The following ACTN2 variants were observed in gnomAD, a reference collection of about 807,000 sequenced individuals.
The protein encoded by ACTN2 is actinin alpha 2, also known as alpha-actinin-2.
A neutral mutation model predicts 113.8 loss-of-function variants in ACTN2; 39 were observed. That is an observed-to-expected ratio of 0.34 (90% CI 0.27 to 0.45). ACTN2 has a LOEUF of 0.45. ACTN2 is among the 20% of genes least tolerant of loss of function. The pLI is 1.00. For synonymous variants in ACTN2, 429 were observed against 444.1 expected (o/e 0.97, Z 0.43); for missense variants, 992 against 1,177.9 (o/e 0.84, Z 2.31).
intron 9 of ACTN2, among the ~76,000 whole-genome samples, chr1:236,737,954 G>T (rs2102920664): frequency 6.6e-6 from 1 of 152,338 alleles, no homozygotes; most frequent in South Asian, 2.1e-4. Context: ...CTCAAGTACA[G>T]TGACACATAC....
chr1:236,690,316 G>A (rs1011250022), intron 1 of ACTN2, among the ~76,000 whole-genome samples: 4 of 152,186 alleles, frequency 2.6e-5, no homozygotes, highest in South Asian at 2.1e-4. Flanking sequence ...AGAGCACAAG[G>A]TGAAGGCTCT....
intron 18 of ACTN2, 32 bp from the exon 19 acceptor site, chr1:236,759,692 T>TCAG (rs1172912621): frequency 6.2e-7 from 1 of 1,603,312 alleles, no homozygotes; most frequent in Non-Finnish European, 8.5e-7. Flanking sequence ...TGCCCTGTGC[T>TCAG]CACCTGCTCT....
At chr1:236,732,583 C>T (rs1347550085) in intron 7 of ACTN2, among the ~76,000 whole-genome samples, 1 of 152,016 alleles carries the variant, frequency 6.6e-6, no homozygotes, top group Admixed American at 6.6e-5. Context: ...GCTGGGATTA[C>T]AGGCATGCAC....
chr1:236,731,273 C>T lies in ACTN2; in HGVS notation c.656C>T (p.Ala219Val). Reference sequence around the variant, plus strand: ...AATATTAACCTGGCCATGGAAATCGCTGAGAAGCACCTGGATATTCCTAAA... The same window carrying T: ...AATATTAACCTGGCCATGGAAATCGTTGAGAAGCACCTGGATATTCCTAAA... ...IGNINLAMEIAEKHLDIPKML... is the reference protein window; with the variant it reads ...IGNINLAMEIVEKHLDIPKML... Residue 219 changes from alanine to valine, a missense_variant, in exon 7 of 21, where the codon GCT (alanine) becomes GTT (valine). This residue lies in a region of ACTN2 where 220 missense variants were observed against 337.5 expected (regional missense o/e 0.65). Transcript: ENST00000366578. 6.2e-7 allele frequency: 1 copy of T among 1,613,858 alleles called. No individual in the cohort carries two copies. Among genetic ancestry groups the T allele is most frequent in the Non-Finnish European group, 8.5e-7 (1 of 1,179,810 alleles).
chr1:236,739,222 T>A, intron 9 of ACTN2, 80 bp from the exon 10 acceptor site: 1 of 1,361,590 alleles, frequency 7.3e-7, no homozygotes, highest in African/African-American at 1.4e-5. Flanking sequence ...TACAAATTAT[T>A]GGATGCCTCA....
chr1:236,712,726 G>A (rs1658066099), intron 1 of ACTN2, among the ~76,000 whole-genome samples: 1 of 152,110 alleles, frequency 6.6e-6, no homozygotes, highest in Non-Finnish European at 1.5e-5. Flanking sequence ...TTGGGGTCAG[G>A]AAGCTTGGGA....
At chr1:236,695,700 T>G (rs1204298144) in intron 1 of ACTN2, among the ~76,000 whole-genome samples, 1 of 152,116 alleles carries the variant, frequency 6.6e-6, no homozygotes, top group Non-Finnish European at 1.5e-5. Flanking sequence ...AGATGCAGTG[T>G]GCTTCACAGT....
intron 6 of ACTN2, among the ~76,000 whole-genome samples, chr1:236,730,271 C>CT (rs11410238): frequency 0.58 from 84,570 of 146,834 alleles, 24,701 homozygotes; most frequent in Non-Finnish European, 0.65. Flanking sequence ...TAGTTAAACA[C>CT]TTTTTTTTTT....
chr1:236,737,318 T>TATATATATATATATATATATA lies in ACTN2; in HGVS notation c.876+104_876+105insATATATATATATATATATATA, dbSNP rs1465770912. 499 of 296,328 alleles carry TATATATATATATATATATATA rather than the reference T, an allele frequency of 1.7e-3. 101 individuals carry two copies. The highest frequency in any genetic ancestry group is 2.6e-3 in the Non-Finnish European group (377 of 145,954). The allele number at this position is 296,328 out of a possible 1,614,324, so 18.4% of individuals were successfully genotyped here. On this transcript the variant is annotated intron_variant, in intron 9 of 20. Transcript: ENST00000366578. ...GGGGGCATATATATATATATATATA[T>TATATATATATATATATATATA]TTTGCATTTTTCATCTCAGATAGGA...
At chr1:236,715,219 C>T (rs1056877632) in intron 1 of ACTN2, among the ~76,000 whole-genome samples, 4 of 150,336 alleles carry the variant, frequency 2.7e-5, no homozygotes, top group East Asian at 2.0e-4. Flanking sequence ...AGGTTTGTTA[C>T]ATATGTATAC....
rs113095034 is a variant in ACTN2, at chr1:236,729,750, A to G, written c.616-1483A>G. Among the ~76,000 whole-genome samples the G allele has an allele frequency of 2.2e-3, 333 of 152,332 alleles. 3 individuals carry two copies. Among genetic ancestry groups the G allele is most frequent in the African/African-American group, 7.5e-3 (312 of 41,568 alleles). ...CCCCTGAATTACTTTGAAATGTTCC[A>G]AGCATATAGACAGGGTACAGTTCTT... is the stretch of plus-strand genomic sequence containing the variant. On this transcript the variant is annotated intron_variant, in intron 6 of 20. Transcript: ENST00000366578.
At chr1:236,711,001 GACT>G (rs1053400056) in intron 1 of ACTN2, among the ~76,000 whole-genome samples, 3 of 152,216 alleles carry the variant, frequency 2.0e-5, no homozygotes, top group Non-Finnish European at 4.4e-5. Context: ...TGGAGGCAGA[GACT>G]GCTGATCATT....
chr1:236,687,819 C>G (rs538727659), intron 1 of ACTN2, among the ~76,000 whole-genome samples: 1 of 152,324 alleles, frequency 6.6e-6, no homozygotes, highest in East Asian at 1.9e-4. Flanking sequence ...AAACTCCTCT[C>G]GCAGCAAACA....
At chr1:236,725,216 G>C (rs1004323788) in intron 4 of ACTN2, among the ~76,000 whole-genome samples, 2 of 152,178 alleles carry the variant, frequency 1.3e-5, no homozygotes, top group African/African-American at 4.8e-5. Context: ...CAATCAAGAG[G>C]CAGGGAAAGG....
chr1:236,753,124 C>A (rs912396529), intron 15 of ACTN2, among the ~76,000 whole-genome samples: 2 of 152,188 alleles, frequency 1.3e-5, no homozygotes, highest in African/African-American at 4.8e-5. Context: ...GTATAAGAAT[C>A]GAACTCATGA....
rs1455512380 is a variant in ACTN2 at position 236,742,964 on chromosome 1, G to A, written c.1176G>A (p.Glu392=). The part of the protein sequence containing the change: ...EKGYEEWLLN[E]IRRLERLEHL... ...GTTACGAGGAGTGGTTGCTCAATGA[G>A]ATTCGGAGACTGGAGCGCTTGGAAC... The change falls in exon 11 of 21, where the codon GAG becomes GAA. Residue 392 remains glutamate, a synonymous_variant. Transcript: ENST00000366578. 1.2e-6 allele frequency: 2 copies of A among 1,614,190 alleles called. No individual in the cohort carries two copies. Among genetic ancestry groups the A allele is most frequent in the East Asian group, 2.2e-5 (1 of 44,886 alleles).
At chr1:236,713,101 G>C (rs766338556) in intron 1 of ACTN2, among the ~76,000 whole-genome samples, 1 of 151,580 alleles carries the variant, frequency 6.6e-6, no homozygotes, top group East Asian at 1.9e-4. Flanking sequence ...CCAAATATTC[G>C]TTCATAGGGA....
At position 236,698,926 on chromosome 1, in the gene ACTN2, G is replaced by A. The variant is rs559738522; in HGVS notation, c.126+12127G>A. Among the ~76,000 whole-genome samples, 4 of 152,302 alleles carry A rather than the reference G, an allele frequency of 2.6e-5. No individual in the cohort carries two copies. The South Asian group carries it at 8.3e-4, about 32-fold the overall frequency. Reference sequence around the variant, plus strand: ...ATTATTTTAGCTAGGCTCAAGTTAAGTGAGTTGCCCAGCAGTGGTTGAGGG... The same window carrying A: ...ATTATTTTAGCTAGGCTCAAGTTAAATGAGTTGCCCAGCAGTGGTTGAGGG... On this transcript the variant is annotated intron_variant, in intron 1 of 20. Coordinates refer to ENST00000366578, the MANE Select transcript of ACTN2 (RefSeq NM_001103.4).
Position 236,720,144 on chromosome 1 carries a change from T to C in ACTN2, c.401T>C (p.Ile134Thr), listed in dbSNP as rs770368711. ...AACGTGAAAATGACCCTGGGTATGA[T>C]CTGGACCATCATCCTTCGCTTTGCT... Reference protein sequence around the residue: ...DGNVKMTLGMIWTIILRFAIQ... With the variant: ...DGNVKMTLGMTWTIILRFAIQ... The change falls in exon 4 of 21, where the codon ATC (isoleucine) becomes ACC (threonine). Residue 134 changes from isoleucine to threonine, a missense_variant. Ile to Thr is a moderately conservative substitution (Grantham distance 89). Around this residue, in one of 3 missense-constraint regions of ACTN2, gnomAD observed 220 missense variants for 337.5 expected, o/e 0.65. Coordinates refer to ENST00000366578, the MANE Select transcript of ACTN2 (RefSeq NM_001103.4). The C allele has an allele frequency of 4.3e-6, 7 of 1,613,806 alleles. No individual in the cohort carries two copies. The African/African-American group carries it at 8.0e-5, about 18-fold the overall frequency.
Sources: gnomAD v4.1 joint callset for allele counts (sites outside exome capture counted in the v4.1 genomes callset) on GRCh38, gnomAD v4.1.1 for gene constraint, gnomAD v4.1.1 regional missense constraint, MANE v1.5 for transcripts, NCBI Gene and HGNC (gene_info 2026-07-23, HGNC 2026-07-21) for gene names.